DMBT1: variants seen among roughly 807,000 people sequenced by gnomAD.
DMBT1 encodes scavenger receptor cysteine-rich domain-containing protein DMBT1.
A neutral mutation model predicts 252.9 loss-of-function variants in DMBT1; 198 were observed. The ratio of observed to expected loss-of-function variants is 0.78; its 90% CI spans 0.70 to 0.88. The LOEUF is 0.88. Ranked by LOEUF, DMBT1 falls within the 40% of genes least tolerant of loss-of-function variation. The pLI is 0.00. For missense variants in DMBT1, 2,432 were observed against 2,404.7 expected (o/e 1.01, Z -0.24); for synonymous variants, 990 against 942.7 (o/e 1.05, Z -0.92).
At chr10:122,620,968 C>T (rs2098061372) in intron 43 of DMBT1, 89 bp from the exon 44 acceptor site, 1 of 1,580,764 alleles carries the variant, frequency 6.3e-7, no homozygotes, top group South Asian at 1.2e-5. Flanking sequence ...GTGACTTTGG[C>T]CATTAGGAAG....
chr10:122,560,767 C>T lies in DMBT1; in HGVS notation c.-4C>T, dbSNP rs748630395. 2 of 1,567,316 alleles carry T rather than the reference C, an allele frequency of 1.3e-6. No homozygotes were observed. The highest frequency in any genetic ancestry group is 2.4e-5 in the South Asian group (2 of 85,088). ...TTCTATTCAATTGAGAAGAACCCAG[C>T]AAAATGGGGATCTCCACAGTCATCC... On this transcript the variant is annotated 5_prime_UTR_variant, in exon 1 of 56. Transcript: ENST00000338354.
rs887924674 is a variant in DMBT1 at position 122,585,281 on chromosome 10, G to A, written c.1431G>A (p.Pro477=). ...SWSTPSPDTL[P]TITLPASTVG... Reference sequence around the variant, plus strand: ...CTGTTGCAATTACAGACACGTTGCCGACCATCACCTTACCTGCATCGACAG... The same window carrying A: ...CTGTTGCAATTACAGACACGTTGCCAACCATCACCTTACCTGCATCGACAG... Residue 477 remains proline, a synonymous_variant, in exon 15 of 56, where the codon CCG becomes CCA. Coordinates refer to ENST00000338354, the MANE Select transcript of DMBT1 (RefSeq NM_001377530.1). 6.9e-6 allele frequency: 11 copies of A among 1,586,724 alleles called. No homozygotes were observed. Among genetic ancestry groups the A allele is most frequent in the East Asian group, 2.3e-5 (1 of 42,658 alleles).
At chr10:122,571,670 G>A (rs1366593821) in intron 4 of DMBT1, among the ~76,000 whole-genome samples, 4 of 152,196 alleles carry the variant, frequency 2.6e-5, no homozygotes, top group Non-Finnish European at 5.9e-5. Flanking sequence ...AACCTGCAAG[G>A]ACACTGTCCC....
intron 5 of DMBT1, among the ~76,000 whole-genome samples, chr10:122,572,663 T>C (rs2133530206): frequency 1.1e-5 from 1 of 89,654 alleles, no homozygotes; most frequent in South Asian, 4.5e-4. Flanking sequence ...GGCCAAGGGA[T>C]CATCTACATA....
intron 14 of DMBT1, among the ~76,000 whole-genome samples, chr10:122,584,914 C>T (rs2133564536): frequency 6.7e-6 from 1 of 149,270 alleles, no homozygotes; most frequent in Admixed American, 6.6e-5. Flanking sequence ...CTTGATACCC[C>T]TTTGGTCAGC....
At chr10:122,563,074 C>A (rs1164245234) in intron 1 of DMBT1, among the ~76,000 whole-genome samples, 4 of 152,192 alleles carry the variant, frequency 2.6e-5, no homozygotes, top group Non-Finnish European at 4.4e-5. Context: ...GACCACAGAG[C>A]TTTGCGCTGG....
intron 40 of DMBT1, 44 bp from the exon 41 acceptor site, chr10:122,617,973 C>T (rs767887148): frequency 2.5e-6 from 4 of 1,608,026 alleles, no homozygotes; most frequent in Non-Finnish European, 3.4e-6. Flanking sequence ...AGATTGTTGA[C>T]CTCCTGGTGG....
intron 1 of DMBT1, among the ~76,000 whole-genome samples, chr10:122,565,081 G>A (rs1329082284): frequency 6.6e-6 from 1 of 152,136 alleles, no homozygotes; most frequent in African/African-American, 2.4e-5. Flanking sequence ...GGGCATGGAA[G>A]AATTATGACT....
In DMBT1 at chr10:122,580,909, G is replaced by T. The variant is rs1383978606; in HGVS notation, c.1033+14G>T. 1 of 1,613,592 alleles carries T rather than the reference G, an allele frequency of 6.2e-7. No homozygotes were observed. The highest frequency in any genetic ancestry group is 8.5e-7 in the Non-Finnish European group (1 of 1,179,838). The stretch of plus-strand genomic sequence containing the variant: ...CACCCAGCCCAGGTAGGTCCCCAGT[G>T]TCCTTCCTCAAAATGTCCCTTCTCT... On this transcript the variant is annotated intron_variant, in intron 11 of 55. Coordinates refer to ENST00000338354, the MANE Select transcript of DMBT1 (RefSeq NM_001377530.1).
rs1382764159 is a variant in DMBT1, at chr10:122,586,199, G to A, written c.1599G>A (p.Arg533=). 1.3e-6 allele frequency: 2 copies of A among 1,589,084 alleles called. No individual in the cohort carries two copies. Among genetic ancestry groups the A allele is most frequent in the Non-Finnish European group, 1.7e-6 (2 of 1,166,144 alleles). The change falls in exon 16 of 56, where the codon AGG becomes AGA. Residue 533 remains arginine, a synonymous_variant. Transcript: ENST00000338354. ...WDTNDANVVC[R]QLGCGWAMLA... ...CCAATGATGCCAATGTGGTCTGCAG[G>A]CAGCTGGGCTGTGGCTGGGCCATGT...
intron 2 of DMBT1, among the ~76,000 whole-genome samples, chr10:122,567,764 T>C (rs1413532735): frequency 6.6e-6 from 1 of 151,886 alleles, no homozygotes; most frequent in Admixed American, 6.6e-5. Flanking sequence ...AGCTCCATGG[T>C]GGGAAGCAGG....
At chr10:122,578,974 C>T (rs1281384653) in intron 9 of DMBT1, among the ~76,000 whole-genome samples, 5 of 152,054 alleles carry the variant, frequency 3.3e-5, no homozygotes, top group African/African-American at 1.2e-4. Context: ...TCATTAGGCT[C>T]ATGATAGGAT....
intron 45 of DMBT1, 99 bp downstream of exon 45, chr10:122,625,402 G>C: frequency 8.6e-7 from 1 of 1,162,290 alleles, no homozygotes; most frequent in Non-Finnish European, 1.3e-6. Context: ...CCCCCTGGGG[G>C]GGTAATTTCT....
At chr10:122,627,044 G>C (rs2098123699) in intron 46 of DMBT1, among the ~76,000 whole-genome samples, 1 of 152,112 alleles carries the variant, frequency 6.6e-6, no homozygotes, top group South Asian at 2.1e-4. Context: ...TTGTGGGTGG[G>C]TTAAGACTCC....
Position 122,580,929 on chromosome 10 carries a change from TTC to T in DMBT1, c.1033+38_1033+39del, listed in dbSNP as rs1217020247. 3 of 1,612,818 alleles carry T rather than the reference TTC, an allele frequency of 1.9e-6. No individual in the cohort carries two copies. In the African/African-American group the frequency reaches 4.0e-5, roughly 22 times the overall value. On this transcript the variant is annotated intron_variant, in intron 11 of 55. Transcript: ENST00000338354. The stretch of plus-strand genomic sequence containing the variant: ...CCAGTGTCCTTCCTCAAAATGTCCC[TTC>T]TCTTTCTGCCCAATCACCCCTTCCA...
intron 41 of DMBT1, 49 bp downstream of exon 41, chr10:122,618,389 A>C (rs765792896): frequency 4.3e-6 from 7 of 1,613,302 alleles, no homozygotes; most frequent in Non-Finnish European, 4.2e-6. Flanking sequence ...AAGTTTGCTC[A>C]GGAAGAAAAT....
chr10:122,624,572 G>GGTGACCAGTGACCA (rs2133649445), intron 44 of DMBT1, among the ~76,000 whole-genome samples: 1 of 152,266 alleles, frequency 6.6e-6, no homozygotes, highest in African/African-American at 2.4e-5. Flanking sequence ...GGTGAATGGA[G>GGTGACCAGTGACCA]GTGACCAGTG....
At chr10:122,639,552 T>G (rs1263103551) in intron 54 of DMBT1, among the ~76,000 whole-genome samples, 1 of 152,118 alleles carries the variant, frequency 6.6e-6, no homozygotes, top group Non-Finnish European at 1.5e-5. Context: ...AGAAGGAATT[T>G]CACAAGGTAA....
At position 122,572,315 on chromosome 10, in the gene DMBT1, T is replaced by C; in HGVS notation, c.189T>C (p.Gly63=). 1 of 1,613,150 alleles carries C rather than the reference T, an allele frequency of 6.2e-7. No homozygotes were observed. Among genetic ancestry groups the C allele is most frequent in the Non-Finnish European group, 8.5e-7 (1 of 1,179,260 alleles). Residue 63 remains glycine, a splice_region_variant and synonymous_variant, in exon 5 of 56, where the codon GGT becomes GGC. Coordinates refer to ENST00000338354, the MANE Select transcript of DMBT1 (RefSeq NM_001377530.1). The part of the protein sequence containing the change: ...ESTLESTVAE[G]SPISLESTLE... ...GCTCTTCCTTTCTCCACCCTGCAGG[T>C]TCTCCGATTTCCTTGGAGTCAACCC...
Sources: allele counts gnomAD v4.1 joint callset (sites outside exome capture counted in the v4.1 genomes callset), GRCh38; gene constraint gnomAD v4.1.1; transcripts MANE v1.5; gene names NCBI Gene and HGNC (gene_info 2026-07-23, HGNC 2026-07-21).